The following MACF1 variants were observed in gnomAD, a reference collection of about 807,000 sequenced individuals.
The protein encoded by MACF1 is microtubule actin crosslinking factor 1.
MACF1 carries 193 observed loss-of-function variants against 854.8 expected under a neutral mutation model. The ratio of observed to expected loss-of-function variants is 0.23; its 90% CI spans 0.20 to 0.25. The LOEUF (loss-of-function observed/expected upper bound fraction) is 0.25, where lower values mean the gene tolerates loss of function less well. Among genes scored for constraint, MACF1 ranks in the 10% least tolerant of loss-of-function variants. MACF1 has a pLI of 1.00. For synonymous variants in MACF1, 3,185 were observed against 3,226.7 expected (o/e 0.99, Z 0.44); for missense variants, 7,722 against 8,929.1 (o/e 0.86, Z 5.45).
At chr1:39,483,885 C>T (rs1645059583) in intron 99 of MACF1, among the ~76,000 whole-genome samples, 1 of 152,222 alleles carries the variant, frequency 6.6e-6, no homozygotes, top group Non-Finnish European at 1.5e-5. Flanking sequence ...GGTGCGGTGG[C>T]TCACACCTGT....
Position 39,411,014 on chromosome 1 carries a change from A to G in MACF1, c.15817-11360A>G, listed in dbSNP as rs200409649. 2.6e-4 allele frequency: 418 copies of G among 1,614,052 alleles called. 2 individuals are homozygous for G. The highest frequency in any genetic ancestry group is 6.6e-5 in the Non-Finnish European group (78 of 1,179,890). On this transcript the variant is annotated intron_variant, in intron 58 of 100. Transcript: ENST00000564288. ...ACAAGTGGTAACACAGATGTAATGC[A>G]GGAATCCAGATTCTCAAGTGCAACC...
chr1:39,202,954 C>CA (rs1157241524), upstream of MACF1, among the ~76,000 whole-genome samples: 1 of 152,162 alleles, frequency 6.6e-6, no homozygotes, highest in Admixed American at 6.5e-5. Flanking sequence ...GTGGTCCCGT[C>CA]AAGGCCCCTT....
intron 79 of MACF1, 67 bp downstream of exon 79, chr1:39,443,641 G>C: frequency 1.2e-5 from 18 of 1,462,174 alleles, no homozygotes; most frequent in Non-Finnish European, 1.7e-5. Flanking sequence ...CAAGTTCACA[G>C]TCATAATTAA....
intron 58 of MACF1, chr1:39,411,800 G>A: frequency 1.2e-6 from 2 of 1,613,568 alleles, no homozygotes. Context: ...CATTTTTCAG[G>A]GGCTGCCTTA....
chr1:39,465,867 G>A (rs813652), intron 95 of MACF1, among the ~76,000 whole-genome samples: 4,317 of 152,250 alleles, frequency 0.028, 165 homozygotes, highest in African/African-American at 0.086. Context: ...AATGTTCTAG[G>A]CAAGTGGGAA....
In MACF1 at chr1:39,250,089, T is replaced by A. The variant is rs1321766646; in HGVS notation, c.247T>A (p.Ser83Thr). ...HNLISLLEVL[S>T]GIKLEPAGLK... ...CCTGATCTCTCTGTTGGAGGTCCTCTCAGGCATCAAACTGGTGAGCTTCTC... is the reference window on the plus strand; with the variant it reads ...CCTGATCTCTCTGTTGGAGGTCCTCACAGGCATCAAACTGGTGAGCTTCTC... Residue 83 changes from serine (S) to threonine (T), a missense_variant, in exon 3 of 101, where the codon TCA becomes ACA. Coordinates refer to ENST00000564288, the MANE Select transcript of MACF1 (RefSeq NM_001394062.1). 1 of 1,612,830 alleles carries A rather than the reference T, an allele frequency of 6.2e-7. No homozygotes were observed. Among genetic ancestry groups the A allele is most frequent in the South Asian group, 1.1e-5 (1 of 91,040 alleles).
Position 39,333,866 on chromosome 1 carries a change from A to T in MACF1, c.7278A>T (p.Ser2426=), listed in dbSNP as rs1646769021. The T allele has an allele frequency of 2.5e-6, 4 of 1,614,214 alleles. No homozygotes were observed. The highest frequency in any genetic ancestry group is 8.5e-7 in the Non-Finnish European group (1 of 1,180,032). ...AAAAAGTTTCAGTAACTTTGGCCTCAACTCTTGGCTTGGTGGACGTTGCTG... is the reference window on the plus strand; with the variant it reads ...AAAAAGTTTCAGTAACTTTGGCCTCTACTCTTGGCTTGGTGGACGTTGCTG... ...RGKKVSVTLA[S]TLGLVDVADQ... is the part of the protein sequence containing the mutation. The change falls in exon 37 of 101, where the codon TCA becomes TCT. Residue 2426 remains serine (S), a synonymous_variant. Transcript: ENST00000564288.
chr1:39,371,319 CAAAAA>C (rs764951315), intron 51 of MACF1, among the ~76,000 whole-genome samples: 3 of 81,300 alleles, frequency 3.7e-5, no homozygotes, highest in Admixed American at 1.3e-4. Context: ...GACTCTGTCT[CAAAAA>C]AAAAAAAAAA....
At chr1:39,191,607 T>C (rs144480159) in intron 2 of MACF1, among the ~76,000 whole-genome samples, 145 of 152,354 alleles carry the variant, frequency 9.5e-4, no homozygotes, top group African/African-American at 3.3e-3. Flanking sequence ...GATTGGGCTT[T>C]TCATCAGGGC....
intron 58 of MACF1, chr1:39,410,773 G>A: frequency 1.9e-6 from 3 of 1,613,970 alleles, no homozygotes; most frequent in Non-Finnish European, 2.5e-6. Flanking sequence ...AGAGAAGAAG[G>A]AGTCCAGTTC....
intron 35 of MACF1, among the ~76,000 whole-genome samples, chr1:39,326,305 T>C (rs1571338984): frequency 6.6e-6 from 1 of 152,304 alleles, no homozygotes; most frequent in Non-Finnish European, 1.5e-5. Context: ...TGGTTACCTT[T>C]GGGAAGAAAG....
At chr1:39,286,159 G>A (rs531570488) in intron 14 of MACF1, among the ~76,000 whole-genome samples, 1 of 152,114 alleles carries the variant, frequency 6.6e-6, no homozygotes, top group East Asian at 1.9e-4. Context: ...GCCTATAAGT[G>A]CAGGCTGCCA....
At chr1:39,208,710 C>T (rs541443799) in intron 1 of MACF1, among the ~76,000 whole-genome samples, 7 of 152,014 alleles carry the variant, frequency 4.6e-5, no homozygotes, top group Admixed American at 1.3e-4. Context: ...CTGCAACCCC[C>T]GCCTCCCGGG....
intron 2 of MACF1, among the ~76,000 whole-genome samples, chr1:39,086,278 A>C (rs1641671673): frequency 1.3e-5 from 2 of 152,252 alleles, no homozygotes; most frequent in Non-Finnish European, 2.9e-5. Context: ...AGAAAGGCTT[A>C]TGTGGGCTCA....
At chr1:39,170,597 T>C (rs1480432062) in intron 2 of MACF1, among the ~76,000 whole-genome samples, 1 of 152,222 alleles carries the variant, frequency 6.6e-6, no homozygotes, top group Non-Finnish European at 1.5e-5. Context: ...GAAAATAAGA[T>C]ATCAGTGAAA....
intron 6 of MACF1, among the ~76,000 whole-genome samples, chr1:39,263,776 T>TTC (rs1553190585): frequency 9.9e-5 from 13 of 131,144 alleles, no homozygotes; most frequent in South Asian, 2.6e-4. Flanking sequence ...TTTTTCTTTT[T>TTC]TTTTTTTTTT....
intron 40 of MACF1, among the ~76,000 whole-genome samples, chr1:39,342,701 A>G (rs941687180): frequency 2.0e-5 from 3 of 151,948 alleles, no homozygotes; most frequent in Non-Finnish European, 4.4e-5. Flanking sequence ...TTGTATTTTC[A>G]GTAGAGAGGG....
At chr1:39,373,960 G>A (rs1025953711) in intron 52 of MACF1, among the ~76,000 whole-genome samples, 5 of 151,858 alleles carry the variant, frequency 3.3e-5, no homozygotes, top group African/African-American at 9.7e-5. Context: ...CTAATATGAA[G>A]GCCAGGCACA....
At chr1:39,399,737 A>G (rs1642406639) in intron 58 of MACF1, among the ~76,000 whole-genome samples, 1 of 152,198 alleles carries the variant, frequency 6.6e-6, no homozygotes, top group African/African-American at 2.4e-5. Context: ...TTTACAATGT[A>G]TAACTCACTT....
Sources: allele counts gnomAD v4.1 joint callset (sites outside exome capture counted in the v4.1 genomes callset), GRCh38; gene constraint gnomAD v4.1.1; transcripts MANE v1.5; gene names NCBI Gene and HGNC (gene_info 2026-07-23, HGNC 2026-07-21).